The following ZNF324B variants were observed in gnomAD, a reference collection of about 807,000 sequenced individuals.
ZNF324B encodes zinc finger protein 324B.
In ZNF324B, 7 loss-of-function variants were observed where a neutral mutation model predicts 10.6. The observed-to-expected ratio is 0.66, with a 90% confidence interval of 0.38 to 1.24. The LOEUF is 1.24. Among genes scored for constraint, ZNF324B ranks in the 50% most tolerant of loss-of-function variants. ZNF324B has a pLI of 0.02. For missense variants in ZNF324B, 640 were observed against 764.7 expected, an observed-to-expected ratio of 0.84 and a Z score of 1.92; for synonymous variants, 316 against 321.0, an observed-to-expected ratio of 0.98 and a Z score of 0.17.
the ZNF324B span, chr19:58,431,113 GC>G: frequency 6.6e-6 from 1 of 152,224 alleles, no homozygotes; most frequent in Non-Finnish European, 1.5e-5. Flanking sequence ...CTTACTGTGA[GC>G]CATGTCACAT....
chr19:58,427,353 T>TC, the ZNF324B span, among the ~76,000 whole-genome samples: 309 of 55,890 alleles, frequency 5.5e-3, 2 homozygotes, highest in Admixed American at 8.0e-3. Flanking sequence ...CTCTTTCCTT[T>TC]CTTTCTTTCT....
At chr19:58,434,619 C>A in the ZNF324B span, 1 of 1,614,172 alleles carries the variant, frequency 6.2e-7, no homozygotes, top group Non-Finnish European at 8.5e-7. Context: ...GGATTGATTT[C>A]TCCTCTAAGA....
chr19:58,445,818 C>T, the ZNF324B span: 4 of 211,768 alleles, frequency 1.9e-5, no homozygotes, highest in African/African-American at 7.2e-5. Flanking sequence ...CTGTCTCCCT[C>T]ACCAAAAACA....
the ZNF324B span, among the ~76,000 whole-genome samples, chr19:58,424,891 T>C: frequency 6.6e-6 from 1 of 152,068 alleles, no homozygotes; most frequent in Non-Finnish European, 1.5e-5. Context: ...CCAAGAGAAT[T>C]CAAAGGATAT....
the ZNF324B span, among the ~76,000 whole-genome samples, chr19:58,436,657 G>A: frequency 9.2e-6 from 1 of 109,160 alleles, no homozygotes; most frequent in South Asian, 3.3e-4. Flanking sequence ...GACAGAGCAA[G>A]ACTCCATCTC....
the ZNF324B span, chr19:58,437,268 G>A: frequency 3.3e-6 from 5 of 1,528,280 alleles, no homozygotes. Flanking sequence ...ACCTTGCTGT[G>A]TGACTCAGAA....
rs1277975142 is a variant in ZNF324B, at chr19:58,457,647, A to G, written c.*1068A>G. On this transcript the variant is annotated 3_prime_UTR_variant, in exon 4 of 4. Coordinates refer to ENST00000336614, the MANE Select transcript of ZNF324B (RefSeq NM_207395.3). ...GTGACAGCCTCCTGAGGACCTCCCC[A>G]ACCCAGTGTGATGGGCCTGCATGGC... The G allele has an allele frequency of 2.0e-5, 3 of 151,642 alleles. No individual in the cohort carries two copies. 9.4% of individuals were successfully genotyped at this position (151,642 alleles called of 1,614,324 possible). A position where few individuals can be genotyped will look rare whatever the true frequency, so the allele number is the denominator to read the frequency against.
At chr19:58,447,546 T>A (rs181461292), upstream of ZNF324B, among the ~76,000 whole-genome samples, 40 of 152,326 alleles carry the variant, frequency 2.6e-4, 1 homozygote, top group Admixed American at 2.6e-3. Flanking sequence ...AAATAAAGTG[T>A]TTAAGAAGTT....
chr19:58,446,325 T>A, the ZNF324B span, among the ~76,000 whole-genome samples: 2 of 152,158 alleles, frequency 1.3e-5, no homozygotes, highest in African/African-American at 4.8e-5. Flanking sequence ...ATGTTGTACT[T>A]TGCAACCCGC....
the ZNF324B span, among the ~76,000 whole-genome samples, chr19:58,424,421 G>T: frequency 6.6e-6 from 1 of 152,166 alleles, no homozygotes; most frequent in African/African-American, 2.4e-5. Flanking sequence ...ATGGGCAAAA[G>T]ATCTGAACAA....
chr19:58,439,632 C>G, the ZNF324B span: 2 of 1,041,080 alleles, frequency 1.9e-6, no homozygotes, highest in Non-Finnish European at 2.7e-6. Flanking sequence ...GGGCAGGGCC[C>G]AGGACCCACG....
At position 58,451,991 on chromosome 19, in the gene ZNF324B, C is replaced by T. The variant is rs573805209; in HGVS notation, c.-7+287C>T. 1.4e-3 allele frequency: 342 copies of T among 238,412 alleles called. 2 individuals are homozygous for T. The highest frequency in any genetic ancestry group is 3.3e-3 in the Middle Eastern group (2 of 608). 14.8% of individuals were successfully genotyped at this position (238,412 alleles called of 1,614,324 possible). On this transcript the variant is annotated intron_variant, in intron 1 of 3. Coordinates refer to ENST00000336614, the MANE Select transcript of ZNF324B (RefSeq NM_207395.3). ...CGGCGGTGGCGCTGACAAGCCCGCG[C>T]CGGGGGGGCGGGGGAGTCCCTGCTC...
the ZNF324B span, chr19:58,445,188 A>C: frequency 3.0e-5 from 9 of 296,912 alleles, 1 homozygote; most frequent in South Asian, 2.6e-4. Flanking sequence ...GAAAGCTTTC[A>C]GTGAAATATG....
At chr19:58,426,269 C>T in the ZNF324B span, among the ~76,000 whole-genome samples, 1 of 152,104 alleles carries the variant, frequency 6.6e-6, no homozygotes, top group Admixed American at 6.5e-5. Flanking sequence ...GAGAGGATGG[C>T]GTGGTAGGAC....
the ZNF324B span, chr19:58,432,160 C>A: frequency 2.6e-6 from 1 of 377,880 alleles, no homozygotes. Flanking sequence ...ACCAGAAACC[C>A]TGGCCAGACT....
At chr19:58,435,120 A>G in the ZNF324B span, 6 of 1,614,196 alleles carry the variant, frequency 3.7e-6, no homozygotes. Flanking sequence ...TCTTGGTGGA[A>G]GGATCTGCAT....
upstream of ZNF324B, among the ~76,000 whole-genome samples, chr19:58,447,423 C>A (rs920440891): frequency 1.3e-5 from 2 of 152,160 alleles, no homozygotes; most frequent in Non-Finnish European, 2.9e-5. Context: ...CAATTTGTTG[C>A]TATTTTTATT....
At chr19:58,427,504 T>TCCTTCCTTCCTTCCTTCC in the ZNF324B span, among the ~76,000 whole-genome samples, 1 of 104,548 alleles carries the variant, frequency 9.6e-6, no homozygotes, top group African/African-American at 5.1e-5. Flanking sequence ...CTTTCTTTCT[T>TCCTTCCTTCCTTCCTTCC]TTTCTTTCTT....
the ZNF324B span, chr19:58,433,786 G>C: frequency 1.9e-6 from 3 of 1,614,032 alleles, no homozygotes; most frequent in Non-Finnish European, 1.7e-6. Flanking sequence ...GGAGCTGTGA[G>C]CAAAGGCTTT....
Sources: allele counts gnomAD v4.1 joint callset (sites outside exome capture counted in the v4.1 genomes callset), GRCh38; gene constraint gnomAD v4.1.1; transcripts MANE v1.5; gene names NCBI Gene and HGNC (gene_info 2026-07-23, HGNC 2026-07-21).